Variants in ARHGAP35 observed in about 807,000 individuals in gnomAD.
ARHGAP35 encodes the protein Rho GTPase activating protein 35.
A neutral mutation model predicts 111.1 loss-of-function variants in ARHGAP35; 15 were observed. That is an observed-to-expected ratio of 0.13 (90% CI 0.09 to 0.21). ARHGAP35 has a LOEUF of 0.21. ARHGAP35 is among the 10% of genes least tolerant of loss of function. The pLI is 1.00. For missense variants in ARHGAP35, 1,262 were observed against 1,873.0 expected (o/e 0.67, Z 6.02); for synonymous variants, 643 against 710.3 (o/e 0.91, Z 1.51).
At chr19:46,912,366 T>C (rs1313761757) in intron 1 of ARHGAP35, among the ~76,000 whole-genome samples, 2 of 150,916 alleles carry the variant, frequency 1.3e-5, no homozygotes, top group East Asian at 3.9e-4. Flanking sequence ...CTTTTTTTTT[T>C]TCTTTTGAGA....
chr19:46,880,495 A>G, intron 1 of ARHGAP35, among the ~76,000 whole-genome samples: 1 of 152,166 alleles, frequency 6.6e-6, no homozygotes, highest in Non-Finnish European at 1.5e-5. Flanking sequence ...ATTCTGTCAC[A>G]TCTTCAAACT....
intron 3 of ARHGAP35, among the ~76,000 whole-genome samples, chr19:46,987,412 A>C (rs917229917): frequency 6.9e-6 from 1 of 145,394 alleles, no homozygotes; most frequent in African/African-American, 2.6e-5. Context: ...ATGGGGTTTC[A>C]CTATGTTGGC....
chr19:46,983,606 CTTT>C (rs11383795), intron 3 of ARHGAP35, among the ~76,000 whole-genome samples: 27 of 69,266 alleles, frequency 3.9e-4, no homozygotes, highest in African/African-American at 1.6e-3. Flanking sequence ...AATGTCCATT[CTTT>C]TTTTTTTTTT....
chr19:46,932,137 C>G (rs996998251), intron 2 of ARHGAP35, among the ~76,000 whole-genome samples: 1 of 152,184 alleles, frequency 6.6e-6, no homozygotes, highest in East Asian at 1.9e-4. Flanking sequence ...CAAAAACTTG[C>G]TGGGCATGGT....
chr19:46,885,383 T>C (rs1275239352), intron 1 of ARHGAP35, among the ~76,000 whole-genome samples: 1 of 152,198 alleles, frequency 6.6e-6, no homozygotes, highest in Non-Finnish European at 1.5e-5. Flanking sequence ...GTAGGTACTA[T>C]CCTTGTACCC....
chr19:47,001,568 C>G lies in ARHGAP35; in HGVS notation c.*880C>G. On this transcript the variant is annotated 3_prime_UTR_variant, in exon 7 of 7. Transcript: ENST00000672722. The surrounding 1 kb of genome is among the most constrained non-coding windows in gnomAD (Gnocchi z 5.4). ...TGTGGCCTGAGGGCCTGCTGGGGTC[C>G]CACTCACCCACTTAGGTCTAGTCGC... is the stretch of plus-strand genomic sequence containing the variant. The G allele has an allele frequency of 4.7e-6, 2 of 426,402 alleles. No individual in the cohort carries two copies. The highest frequency in any genetic ancestry group is 8.3e-6 in the Non-Finnish European group (2 of 241,422). The allele number at this position is 426,402 out of a possible 1,614,324, so 26.4% of individuals were successfully genotyped here. A position where few individuals can be genotyped will look rare whatever the true frequency, so the allele number is the denominator to read the frequency against.
At chr19:46,910,644 C>T (rs527913053) in intron 1 of ARHGAP35, among the ~76,000 whole-genome samples, 2 of 151,976 alleles carry the variant, frequency 1.3e-5, no homozygotes, top group Non-Finnish European at 2.9e-5. Context: ...GGCTGGAGTG[C>T]AGTGGTGCAG....
intron 3 of ARHGAP35, among the ~76,000 whole-genome samples, chr19:46,962,399 A>G (rs546884927): frequency 2.0e-5 from 3 of 152,296 alleles, no homozygotes; most frequent in African/African-American, 7.2e-5. Flanking sequence ...ATGTGTGACA[A>G]TGTCTCTCAC....
rs1361311891 is a variant in ARHGAP35 at position 47,002,896 on chromosome 19, G to A, written c.*2208G>A. 1 of 152,214 alleles carries A rather than the reference G, an allele frequency of 6.6e-6. No individual in the cohort carries two copies. The highest frequency in any genetic ancestry group is 2.4e-5 in the African/African-American group (1 of 41,422). 9.4% of individuals were successfully genotyped at this position (152,214 alleles called of 1,614,324 possible). A position where few individuals can be genotyped will look rare whatever the true frequency, so the allele number is the denominator to read the frequency against. ...GTGACTTCCCCAGGAGTGTGGAGGG[G>A]GTGGTGAGGAGGAGCACCTGGGCTC... is the stretch of plus-strand genomic sequence containing the variant. On this transcript the variant is annotated 3_prime_UTR_variant, in exon 7 of 7. Transcript: ENST00000672722.
intron 2 of ARHGAP35, among the ~76,000 whole-genome samples, chr19:46,927,963 T>C (rs909402579): frequency 3.3e-5 from 5 of 152,188 alleles, no homozygotes; most frequent in African/African-American, 1.2e-4. Context: ...CAAAAGATCT[T>C]TGATTATCTG....
rs754434697 is a variant in ARHGAP35 at position 46,922,201 on chromosome 19, A to G, written c.3526A>G (p.Ser1176Gly). ...GRFASYRTSF[S>G]VGSDDELGPI... ...GTTTGCTAGTTACCGGACCAGCTTC[A>G]GCGTGGGGAGTGATGATGAGCTGGG... Residue 1176 changes from serine (S) to glycine (G), a missense_variant, in exon 2 of 7, where the codon AGC becomes GGC. By Grantham distance (56) the Ser-to-Gly change is moderately conservative. Transcript: ENST00000672722. The surrounding 1 kb of genome is among the most constrained non-coding windows in gnomAD (Gnocchi z 4.0). 9 of 1,613,986 alleles carry G rather than the reference A, an allele frequency of 5.6e-6. No homozygotes were observed. The highest frequency in any genetic ancestry group is 5.0e-5 in the Admixed American group (3 of 60,014).
rs1449913632 is a variant in ARHGAP35 at position 46,932,006 on chromosome 19, G to T, written c.3682-5258G>T. Among the ~76,000 whole-genome samples, 3 of 152,212 alleles carry T rather than the reference G, an allele frequency of 2.0e-5. No homozygotes were observed. The East Asian group carries it at 5.8e-4, about 29-fold the overall frequency. On this transcript the variant is annotated intron_variant, in intron 2 of 6. Transcript: ENST00000672722. ...GACTCTAAACTTAAGAGGTGGCCGG[G>T]CACGGTGGCTCACACCTGTAATCCC...
chr19:46,998,549 G>T lies in ARHGAP35; in HGVS notation c.4037-755G>T, dbSNP rs564448901. On this transcript the variant is annotated intron_variant, in intron 5 of 6. Coordinates refer to ENST00000672722, the MANE Select transcript of ARHGAP35 (RefSeq NM_004491.5). ...GGCCACAGCTCAGGCCCCACAGCCAGTCCCAGCTCTGCAACTTCTAAACTC... is the reference window on the plus strand; with the variant it reads ...GGCCACAGCTCAGGCCCCACAGCCATTCCCAGCTCTGCAACTTCTAAACTC... 2.6e-5 allele frequency among the ~76,000 whole-genome samples: 4 copies of T among 152,352 alleles called. No homozygotes were observed. The East Asian group carries it at 7.7e-4, about 29-fold the overall frequency.
chr19:47,001,029 G>A lies in ARHGAP35; in HGVS notation c.*341G>A. ...CTCCCTCTGCTTGTACAGAGCCCAT[G>A]GTCGGGACAGTGCCCTGGCCTTTGC... On this transcript the variant is annotated 3_prime_UTR_variant, in exon 7 of 7. Transcript: ENST00000672722. This position sits in a 1 kb window ranked among gnomAD's most constrained non-coding sequence, Gnocchi z 5.4. 1 of 1,423,574 alleles carries A rather than the reference G, an allele frequency of 7.0e-7. No homozygotes were observed. The highest frequency in any genetic ancestry group is 1.2e-5 in the South Asian group (1 of 81,198). 88.2% of individuals were successfully genotyped at this position (1,423,574 alleles called of 1,614,324 possible).
intron 3 of ARHGAP35, among the ~76,000 whole-genome samples, chr19:46,970,518 GCA>G (rs2056540441): frequency 6.6e-6 from 1 of 152,112 alleles, no homozygotes; most frequent in Non-Finnish European, 1.5e-5. Context: ...TTGTGTGTGT[GCA>G]CACACACCCA....
chr19:46,952,402 C>G (rs972500639), intron 3 of ARHGAP35, among the ~76,000 whole-genome samples: 7 of 152,134 alleles, frequency 4.6e-5, no homozygotes, highest in African/African-American at 1.7e-4. Flanking sequence ...TAAAAAAGTT[C>G]CTGCAAAATA....
At chr19:46,896,466 T>A (rs1275155161) in intron 1 of ARHGAP35, among the ~76,000 whole-genome samples, 2 of 152,212 alleles carry the variant, frequency 1.3e-5, no homozygotes, top group Non-Finnish European at 2.9e-5. Context: ...GGAAATATAT[T>A]ATGAAGTTTT....
intron 5 of ARHGAP35, among the ~76,000 whole-genome samples, chr19:46,995,748 C>T (rs2056703957): frequency 6.6e-6 from 1 of 152,264 alleles, no homozygotes; most frequent in Admixed American, 6.5e-5. Flanking sequence ...GCTACTGGTG[C>T]CTTTGCCATG....
chr19:46,990,180 G>T (rs965637525), intron 5 of ARHGAP35, among the ~76,000 whole-genome samples: 5 of 152,222 alleles, frequency 3.3e-5, no homozygotes, highest in Non-Finnish European at 5.9e-5. Context: ...TAGGAAGCCG[G>T]CCTCTGGAGG....
Sources: gnomAD v4.1 joint callset for allele counts (sites outside exome capture counted in the v4.1 genomes callset) on GRCh38, gnomAD v4.1.1 for gene constraint, Gnocchi (gnomAD v3.1) non-coding constraint, MANE v1.5 for transcripts, NCBI Gene and HGNC (gene_info 2026-07-23, HGNC 2026-07-21) for gene names.